PCDH15: variants seen among roughly 807,000 people sequenced by gnomAD.
PCDH15 encodes protocadherin related 15, also known as protocadherin-15.
In PCDH15, 129 loss-of-function variants were observed where a neutral mutation model predicts 178.5. That is an observed-to-expected ratio of 0.72 (90% CI 0.63 to 0.84). The LOEUF (loss-of-function observed/expected upper bound fraction) is 0.84. PCDH15 is among the 40% of genes least tolerant of loss of function. PCDH15 has a pLI of 0.00. For synonymous variants in PCDH15, 800 were observed against 732.0 expected (o/e 1.09, Z -1.50); for missense variants, 2,230 against 2,099.9 (o/e 1.06, Z -1.21).
intron 2 of PCDH15, among the ~76,000 whole-genome samples, chr10:54,997,881 C>T (rs11004662): frequency 0.055 from 8,335 of 152,036 alleles, 368 homozygotes; most frequent in East Asian, 0.25. Flanking sequence ...TTATTTTAGA[C>T]GCTCCTTTGA....
chr10:54,271,212 G>C (rs1382441799), intron 8 of PCDH15, among the ~76,000 whole-genome samples: 2 of 151,796 alleles, frequency 1.3e-5, no homozygotes, highest in African/African-American at 4.8e-5. Flanking sequence ...CTTACATTTT[G>C]TTTGTTTGTT....
chr10:53,924,879 A>C (rs2084357385), intron 25 of PCDH15, among the ~76,000 whole-genome samples: 3 of 152,200 alleles, frequency 2.0e-5, no homozygotes, highest in Admixed American at 2.0e-4. Context: ...CCCTGTGTCT[A>C]GCTCAAGGTT....
intron 1 of PCDH15, among the ~76,000 whole-genome samples, chr10:55,317,598 C>T (rs1365984489): frequency 1.3e-5 from 2 of 151,542 alleles, no homozygotes; most frequent in African/African-American, 4.9e-5. Flanking sequence ...AAATGGAGTG[C>T]TTTAACATGA....
intron 18 of PCDH15, among the ~76,000 whole-genome samples, chr10:54,030,267 T>G (rs1036203696): frequency 4.6e-5 from 7 of 151,994 alleles, no homozygotes; most frequent in African/African-American, 1.7e-4. Flanking sequence ...CCATAAAAGC[T>G]GTTGATCAGG....
rs370801246 is a variant in PCDH15 at position 53,959,882 on chromosome 10, G to A, written c.3010-38C>T. 83 of 1,506,242 alleles carry A rather than the reference G, an allele frequency of 5.5e-5. No homozygotes were observed. In the African/African-American group the frequency reaches 9.6e-4, roughly 17 times the overall value. 93.3% of individuals were successfully genotyped at this position (1,506,242 alleles called of 1,614,324 possible). On this transcript the variant is annotated intron_variant, in intron 22 of 37. Coordinates refer to ENST00000644397, the MANE Select transcript of PCDH15 (RefSeq NM_001384140.1). Reference sequence around the variant, plus strand: ...TAAAAATTCATGTTAAAGATTATAAGTAAGAACAGCGTAACAGCACAATTT... The same window carrying A: ...TAAAAATTCATGTTAAAGATTATAAATAAGAACAGCGTAACAGCACAATTT...
At chr10:55,610,497 A>C (rs2132159076) in intron 2 of PCDH15, among the ~76,000 whole-genome samples, 1 of 152,194 alleles carries the variant, frequency 6.6e-6, no homozygotes, top group Admixed American at 6.5e-5. Flanking sequence ...TAAAACTGGA[A>C]GAAATAACAT....
At chr10:54,940,763 TATC>T (rs1283325371) in intron 2 of PCDH15, among the ~76,000 whole-genome samples, 1 of 151,874 alleles carries the variant, frequency 6.6e-6, no homozygotes. Context: ...GTGCCCCTCT[TATC>T]ATTAGAAAGT....
chr10:54,533,960 G>A (rs541706854), intron 2 of PCDH15, among the ~76,000 whole-genome samples: 2 of 151,910 alleles, frequency 1.3e-5, no homozygotes, highest in Non-Finnish European at 2.9e-5. Flanking sequence ...TTTAATAGTT[G>A]TATAATATTG....
chr10:53,964,544 A>G (rs1170735120), intron 21 of PCDH15, among the ~76,000 whole-genome samples: 1 of 142,340 alleles, frequency 7.0e-6, no homozygotes, highest in African/African-American at 2.6e-5. Flanking sequence ...TGCATAAATA[A>G]GTGAATGGAT....
intron 26 of PCDH15, among the ~76,000 whole-genome samples, chr10:53,888,213 A>G (rs2081235722): frequency 6.7e-6 from 1 of 148,534 alleles, no homozygotes; most frequent in Non-Finnish European, 1.5e-5. Context: ...CCTCTGCTCA[A>G]TATTGTATAG....
chr10:55,494,034 A>C (rs2151929), intron 2 of PCDH15, among the ~76,000 whole-genome samples: 6,245 of 151,938 alleles, frequency 0.041, 376 homozygotes, highest in East Asian at 0.29. Flanking sequence ...ATGGTCTAAC[A>C]CATAGTCTGT....
At chr10:54,224,474 C>A (rs978718233) in intron 9 of PCDH15, among the ~76,000 whole-genome samples, 1 of 152,100 alleles carries the variant, frequency 6.6e-6, no homozygotes, top group African/African-American at 2.4e-5. Context: ...AAGCTTAATT[C>A]ATCTAAAAAT....
intron 2 of PCDH15, among the ~76,000 whole-genome samples, chr10:54,590,285 A>G (rs2091796709): frequency 6.6e-6 from 1 of 152,162 alleles, no homozygotes; most frequent in East Asian, 1.9e-4. Context: ...AAGTCATATA[A>G]CTCAGAAGTG....
chr10:54,394,176 T>C (rs931760726), intron 3 of PCDH15, among the ~76,000 whole-genome samples: 6 of 151,874 alleles, frequency 4.0e-5, no homozygotes, highest in African/African-American at 1.5e-4. Flanking sequence ...GAGATAGATA[T>C]TTTTTGCCAT....
At chr10:54,515,756 C>A (rs1022054276) in intron 3 of PCDH15, among the ~76,000 whole-genome samples, 3 of 152,218 alleles carry the variant, frequency 2.0e-5, no homozygotes, top group African/African-American at 7.2e-5. Flanking sequence ...ACACCTCACA[C>A]GGTCGGGTAC....
intron 2 of PCDH15, among the ~76,000 whole-genome samples, chr10:54,557,495 T>C (rs1283912210): frequency 1.3e-5 from 2 of 152,164 alleles, no homozygotes; most frequent in South Asian, 2.1e-4. Flanking sequence ...TTTTGAGATA[T>C]ACAACATTAC....
At chr10:54,709,836 T>C (rs981539783) in intron 1 of PCDH15, among the ~76,000 whole-genome samples, 3 of 149,252 alleles carry the variant, frequency 2.0e-5, no homozygotes, top group Non-Finnish European at 3.0e-5. Flanking sequence ...GCTGAACTTA[T>C]GGTTTTACTT....
At chr10:55,211,935 C>A (rs1249214403) in intron 1 of PCDH15, among the ~76,000 whole-genome samples, 10 of 143,536 alleles carry the variant, frequency 7.0e-5, no homozygotes, top group Non-Finnish European at 1.1e-4. Context: ...AGCAGCCCCC[C>A]AAATAAATTC....
chr10:53,934,010 T>C lies in PCDH15; in HGVS notation c.3373+4805A>G, dbSNP rs1461117817. On this transcript the variant is annotated intron_variant, in intron 25 of 37. Transcript: ENST00000644397. ...TCTGTTCATGTCCTTCGCCCACTTT[T>C]TGATGGGGTTGTTTGTTTTTTCTTG... Among the ~76,000 whole-genome samples, 4 of 152,184 alleles carry C rather than the reference T, an allele frequency of 2.6e-5. No individual in the cohort carries two copies. In the East Asian group the frequency reaches 7.7e-4, roughly 29 times the overall value.
Sources: allele counts gnomAD v4.1 joint callset (sites outside exome capture counted in the v4.1 genomes callset), GRCh38; gene constraint gnomAD v4.1.1; transcripts MANE v1.5; gene names NCBI Gene and HGNC (gene_info 2026-07-23, HGNC 2026-07-21).